Variants in RFX4 observed in about 807,000 individuals in gnomAD.
The protein encoded by RFX4 is transcription factor RFX4.
In RFX4, 10 loss-of-function variants were observed where a neutral mutation model predicts 95.0. That is an observed-to-expected ratio of 0.11 (90% CI 0.06 to 0.18). The LOEUF (loss-of-function observed/expected upper bound fraction) is 0.18, where lower values mean the gene tolerates loss of function less well. Among genes scored for constraint, RFX4 ranks in the 10% least tolerant of loss-of-function variants. The probability of loss-of-function intolerance (pLI) is 1.00; values close to 1 mark genes in which losing one functional copy is unlikely to be tolerated. For missense variants in RFX4, 640 were observed against 922.0 expected (o/e 0.69, Z 3.96); for synonymous variants, 321 against 340.7 (o/e 0.94, Z 0.64).
chr12:106,673,072 C>G (rs2041317405), intron 4 of RFX4, among the ~76,000 whole-genome samples: 1 of 152,174 alleles, frequency 6.6e-6, no homozygotes, highest in Non-Finnish European at 1.5e-5. Flanking sequence ...AATATTCCAA[C>G]CACACTAATA....
chr12:106,595,185 G>T (rs1237808033), intron 1 of RFX4, among the ~76,000 whole-genome samples: 1 of 152,158 alleles, frequency 6.6e-6, no homozygotes, highest in African/African-American at 2.4e-5. Flanking sequence ...AGACAGCCTA[G>T]TTAACAATAT....
In RFX4 at chr12:106,728,324, C is replaced by T. The variant is rs181404310; in HGVS notation, c.1352-3806C>T. Among the ~76,000 whole-genome samples, 275 of 117,010 alleles carry T rather than the reference C, an allele frequency of 2.4e-3. 5 individuals carry two copies. Among genetic ancestry groups the T allele is most frequent in the African/African-American group, 9.8e-3 (261 of 26,658 alleles). 76.8% of individuals were successfully genotyped at this position (117,010 alleles called of 152,430 possible). A position where few individuals can be genotyped will look rare whatever the true frequency, so the allele number is the denominator to read the frequency against. On this transcript the variant is annotated intron_variant, in intron 13 of 17. Coordinates refer to ENST00000392842, the MANE Select transcript of RFX4 (RefSeq NM_213594.3). ...CTCATGTATTAACTGAAGATAATAC[C>T]TTCTTTGCAGTGTTGTTGAGAAGTT...
intron 1 of RFX4, among the ~76,000 whole-genome samples, chr12:106,589,598 G>T (rs2137164341): frequency 6.6e-6 from 1 of 152,326 alleles, no homozygotes; most frequent in African/African-American, 2.4e-5. Flanking sequence ...GGCAGAGCTA[G>T]ATTGGAGAGC....
chr12:106,736,593 G>T (rs1471298164), intron 15 of RFX4, among the ~76,000 whole-genome samples: 1 of 152,136 alleles, frequency 6.6e-6, no homozygotes, highest in East Asian at 1.9e-4. Flanking sequence ...CCATCAGCGA[G>T]GACTTAATCA....
At chr12:106,689,934 A>G (rs570681122) in intron 7 of RFX4, among the ~76,000 whole-genome samples, 16 of 152,300 alleles carry the variant, frequency 1.1e-4, no homozygotes, top group African/African-American at 3.9e-4. Context: ...GAAATGAGAA[A>G]GGATGGGAGA....
chr12:106,761,660 A>T lies in RFX4; in HGVS notation c.*191A>T, dbSNP rs1396035196. On this transcript the variant is annotated 3_prime_UTR_variant, in exon 18 of 18. Coordinates refer to ENST00000392842, the MANE Select transcript of RFX4 (RefSeq NM_213594.3). ...GAATAAACTTTAGTTCAGAAACAGG[A>T]CTTACTAAAAGTCAGTGGGACTGGG... 3.6e-6 allele frequency: 1 copy of T among 281,594 alleles called. No individual in the cohort carries two copies. The highest frequency in any genetic ancestry group is 5.9e-6 in the Non-Finnish European group (1 of 168,732). 17.4% of individuals were successfully genotyped at this position (281,594 alleles called of 1,614,324 possible). A position where few individuals can be genotyped will look rare whatever the true frequency, so the allele number is the denominator to read the frequency against.
chr12:106,635,459 T>A (rs570100706), intron 2 of RFX4, among the ~76,000 whole-genome samples: 1 of 152,042 alleles, frequency 6.6e-6, no homozygotes, highest in African/African-American at 2.4e-5. Context: ...ATTACAGGTG[T>A]GCGCCACGAT....
intron 1 of RFX4, among the ~76,000 whole-genome samples, chr12:106,587,582 C>T (rs114374791): frequency 2.6e-5 from 4 of 152,332 alleles, no homozygotes; most frequent in African/African-American, 7.2e-5. Context: ...TTTCTCAGCC[C>T]GCCTTGGAGC....
At chr12:106,661,794 C>T (rs1418421618) in intron 4 of RFX4, among the ~76,000 whole-genome samples, 2 of 152,184 alleles carry the variant, frequency 1.3e-5, no homozygotes, top group African/African-American at 4.8e-5. Context: ...TCCAGAATGT[C>T]ATATAGCTGG....
intron 3 of RFX4, among the ~76,000 whole-genome samples, chr12:106,645,512 G>A (rs1391829874): frequency 6.6e-6 from 1 of 152,022 alleles, no homozygotes; most frequent in African/African-American, 2.4e-5. Flanking sequence ...GGATTGGGGG[G>A]AGATTTTCCT....
At position 106,686,916 on chromosome 12, in the gene RFX4, G is replaced by A. The variant is rs896013620; in HGVS notation, c.410G>A (p.Ser137Asn). The A allele has an allele frequency of 2.5e-6, 4 of 1,612,892 alleles. No individual in the cohort carries two copies. The highest frequency in any genetic ancestry group is 2.2e-5 in the East Asian group (1 of 44,826). Residue 137 changes from serine (S) to asparagine (N), a missense_variant, in exon 6 of 18, where the codon AGC becomes AAC. This residue lies in a region of RFX4 where 89 missense variants were observed against 173.8 expected (regional missense o/e 0.51). Transcript: ENST00000392842. Reference sequence around the variant, plus strand: ...TACTATGGCATTGCAGTGAAAGAAAGCTCCCAATATTATGATGTGATGTAT... The same window carrying A: ...TACTATGGCATTGCAGTGAAAGAAAACTCCCAATATTATGATGTGATGTAT... ...YHYYGIAVKE[S>N]SQYYDVMYSK...
rs572366580 is a variant in RFX4 at position 106,583,126 on chromosome 12, C to T, written c.-195C>T. On this transcript the variant is annotated 5_prime_UTR_variant, in exon 1 of 18. Transcript: ENST00000392842. ...CTTCTCTCCCTCTCTCTCCTCTTTT[C>T]TTCTTTCTCTTTTCTTTCCTCTTCT... 2.8e-5 allele frequency: 13 copies of T among 472,036 alleles called. No homozygotes were observed. The highest frequency in any genetic ancestry group is 4.3e-5 in the Non-Finnish European group (12 of 278,548). The allele number at this position is 472,036 out of a possible 1,614,324, so 29.2% of individuals were successfully genotyped here. A position where few individuals can be genotyped will look rare whatever the true frequency, so the allele number is the denominator to read the frequency against.
chr12:106,706,127 G>A lies in RFX4; in HGVS notation c.834-3203G>A, dbSNP rs925700335. Among the ~76,000 whole-genome samples, 5 of 152,334 alleles carry A rather than the reference G, an allele frequency of 3.3e-5. No individual in the cohort carries two copies. In the East Asian group the frequency reaches 9.6e-4, roughly 29 times the overall value. On this transcript the variant is annotated intron_variant, in intron 8 of 17. Transcript: ENST00000392842. ...AACATGGAGCTAAGCAGGTGAAGAG[G>A]GAAGAGATGTTCTTGACTGAAAGGA... is the stretch of plus-strand genomic sequence containing the variant.
chr12:106,592,222 A>T (rs1367867966), intron 1 of RFX4, among the ~76,000 whole-genome samples: 1 of 151,960 alleles, frequency 6.6e-6, no homozygotes, highest in Non-Finnish European at 1.5e-5. Flanking sequence ...AAAAATGTAG[A>T]CTGTTTTAGA....
intron 15 of RFX4, among the ~76,000 whole-genome samples, chr12:106,738,532 A>G (rs1467564938): frequency 6.6e-6 from 1 of 152,256 alleles, no homozygotes; most frequent in African/African-American, 2.4e-5. Context: ...TGTGTTCAAG[A>G]GCCATAAACG....
intron 2 of RFX4, among the ~76,000 whole-genome samples, chr12:106,624,482 G>A (rs561533633): frequency 2.6e-5 from 4 of 152,052 alleles, no homozygotes; most frequent in African/African-American, 7.2e-5. Flanking sequence ...GCACCACCAC[G>A]TCCAGCTACT....
chr12:106,740,463 G>A (rs896092026), intron 15 of RFX4, among the ~76,000 whole-genome samples: 23 of 152,064 alleles, frequency 1.5e-4, no homozygotes, highest in East Asian at 1.3e-3. Context: ...ATGGAATCAC[G>A]AAAAATAAGC....
chr12:106,670,509 C>A (rs1022534623), intron 4 of RFX4, among the ~76,000 whole-genome samples: 15 of 152,202 alleles, frequency 9.9e-5, no homozygotes, highest in African/African-American at 3.6e-4. Flanking sequence ...AGCCCTGGGG[C>A]TTTTCAAAGA....
At chr12:106,704,954 C>T (rs1001243672) in intron 8 of RFX4, among the ~76,000 whole-genome samples, 1 of 152,128 alleles carries the variant, frequency 6.6e-6, no homozygotes, top group Non-Finnish European at 1.5e-5. Flanking sequence ...AGGCAGAGGG[C>T]ACTGGAGATG....
Sources: allele counts gnomAD v4.1 joint callset (sites outside exome capture counted in the v4.1 genomes callset), GRCh38; gene constraint gnomAD v4.1.1; regional missense constraint gnomAD v4.1.1; transcripts MANE v1.5; gene names NCBI Gene and HGNC (gene_info 2026-07-23, HGNC 2026-07-21).